The following GNAI3 variants were observed in gnomAD, a reference collection of about 807,000 sequenced individuals.
GNAI3 encodes G protein subunit alpha i3, also known as guanine nucleotide-binding protein G(i) subunit alpha-3.
Under a neutral mutation model 41.8 loss-of-function variants are expected in GNAI3, and 12 were observed. The observed-to-expected ratio is 0.29, with a 90% CI of 0.18 to 0.47. The LOEUF is 0.47. GNAI3 is among the 20% of genes least tolerant of loss of function. The probability of loss-of-function intolerance (pLI) is 1.00; values close to 1 mark genes in which losing one functional copy is unlikely to be tolerated. For missense variants in GNAI3, 360 were observed against 429.6 expected (o/e 0.84, Z 1.43); for synonymous variants, 132 against 146.5 (o/e 0.90, Z 0.71).
intron 1 of GNAI3, among the ~76,000 whole-genome samples, chr1:109,559,316 A>G (rs1648248128): frequency 6.6e-6 from 1 of 152,260 alleles, no homozygotes; most frequent in South Asian, 2.1e-4. Context: ...ATAATAAAAC[A>G]CATCTCTTTG....
In GNAI3 at chr1:109,565,250, C is replaced by CAA. The variant is rs527332111; in HGVS notation, c.119-8472_119-8471dup. On this transcript the variant is annotated intron_variant, in intron 1 of 8. Transcript: ENST00000369851. ...TGGGTGACAGAGTGAGACTCCGTCT[C>CAA]AAAAAAAAAAAAAAAAGATAATTCA... Among the ~76,000 whole-genome samples, 598 of 81,218 alleles carry CAA rather than the reference C, an allele frequency of 7.4e-3. 3 individuals are homozygous for CAA. Among genetic ancestry groups the CAA allele is most frequent in the African/African-American group, 0.021 (532 of 25,944 alleles). 53.3% of individuals were successfully genotyped at this position (81,218 alleles called of 152,430 possible).
intron 1 of GNAI3, among the ~76,000 whole-genome samples, chr1:109,551,592 T>A (rs1647983400): frequency 1.3e-5 from 2 of 152,202 alleles, no homozygotes; most frequent in East Asian, 3.8e-4. Flanking sequence ...TCTCTTGGCC[T>A]CAGTTTTCTT....
chr1:109,584,188 C>T (rs905820997), intron 5 of GNAI3, among the ~76,000 whole-genome samples: 1 of 152,154 alleles, frequency 6.6e-6, no homozygotes, highest in African/African-American at 2.4e-5. Context: ...TTACGTATTA[C>T]TAGATACCAG....
At chr1:109,569,067 A>G (rs2101097780) in intron 1 of GNAI3, among the ~76,000 whole-genome samples, 1 of 152,336 alleles carries the variant, frequency 6.6e-6, no homozygotes, top group African/African-American at 2.4e-5. Context: ...TGAGAATGAA[A>G]CTAACATGGC....
At chr1:109,549,758 G>A (rs187237657) in intron 1 of GNAI3, among the ~76,000 whole-genome samples, 232 of 152,216 alleles carry the variant, frequency 1.5e-3, no homozygotes, top group Non-Finnish European at 2.9e-3. Context: ...ATCCTTTTTG[G>A]CCTCTTCAAA....
At chr1:109,574,676 T>C (rs1003429464) in intron 3 of GNAI3, among the ~76,000 whole-genome samples, 22 of 152,218 alleles carry the variant, frequency 1.4e-4, no homozygotes, top group African/African-American at 5.1e-4. Context: ...TAGGATGTTT[T>C]ATGCCATTGG....
In GNAI3 at chr1:109,552,029, G is replaced by C. The variant is rs1647993727; in HGVS notation, c.118+3191G>C. ...GTACAAAAATTAGCCGGGCGTGGTGGTGTGCACCTGTAGTCCCAGCTACTT... is the reference window on the plus strand; with the variant it reads ...GTACAAAAATTAGCCGGGCGTGGTGCTGTGCACCTGTAGTCCCAGCTACTT... On this transcript the variant is annotated intron_variant, in intron 1 of 8. Coordinates refer to ENST00000369851, the MANE Select transcript of GNAI3 (RefSeq NM_006496.4). Among the ~76,000 whole-genome samples the C allele has an allele frequency of 3.9e-5, 6 of 152,126 alleles. 1 individual carries two copies. The highest frequency in any genetic ancestry group is 3.9e-4 in the Admixed American group (6 of 15,272).
At position 109,573,889 on chromosome 1, in the gene GNAI3, T is replaced by C. The variant is rs182530939; in HGVS notation, c.162-7T>C. On this transcript the variant is annotated splice_region_variant and splice_polypyrimidine_tract_variant and intron_variant, in intron 2 of 8. Coordinates refer to ENST00000369851, the MANE Select transcript of GNAI3 (RefSeq NM_006496.4). ...GGTATTGACTTGTGGTTTTCTTTGT[T>C]TTAAAGAATCATTCATGAGGATGGC... 2.3e-4 allele frequency: 374 copies of C among 1,610,010 alleles called. 5 individuals are homozygous for C. In the East Asian group the frequency reaches 7.5e-3, roughly 32 times the overall value.
chr1:109,581,820 C>T lies in GNAI3; in HGVS notation c.462-617C>T, dbSNP rs150544815. Among the ~76,000 whole-genome samples the T allele has an allele frequency of 4.8e-3, 733 of 151,968 alleles. 7 individuals are homozygous for T. The highest frequency in any genetic ancestry group is 0.016 in the African/African-American group (668 of 41,462). Reference sequence around the variant, plus strand: ...AGGAGAATCATTTGAACCCAGGAGGCGGAAGTTGCAGTGAGCCGAGTTCGC... The same window carrying T: ...AGGAGAATCATTTGAACCCAGGAGGTGGAAGTTGCAGTGAGCCGAGTTCGC... On this transcript the variant is annotated intron_variant, in intron 4 of 8. Transcript: ENST00000369851.
chr1:109,568,159 A>G (rs940956057), intron 1 of GNAI3, among the ~76,000 whole-genome samples: 6 of 152,336 alleles, frequency 3.9e-5, no homozygotes, highest in South Asian at 4.1e-4. Flanking sequence ...CTCACTTTGC[A>G]TACCCATAAT....
At chr1:109,554,492 G>C (rs888871212) in intron 1 of GNAI3, among the ~76,000 whole-genome samples, 6 of 151,988 alleles carry the variant, frequency 3.9e-5, no homozygotes, top group Non-Finnish European at 5.9e-5. Context: ...GCATGTTTTC[G>C]TAAGTTTGCT....
At chr1:109,570,863 C>A (rs1648575452) in intron 1 of GNAI3, among the ~76,000 whole-genome samples, 1 of 152,170 alleles carries the variant, frequency 6.6e-6, no homozygotes, top group African/African-American at 2.4e-5. Context: ...TTACATTTTA[C>A]AAAGTTTATT....
chr1:109,561,476 A>G (rs1648308750), intron 1 of GNAI3, among the ~76,000 whole-genome samples: 1 of 152,190 alleles, frequency 6.6e-6, no homozygotes, highest in African/African-American at 2.4e-5. Flanking sequence ...CAGTTTTCCC[A>G]CTAATTTTCT....
rs3833901 is a variant in GNAI3 at position 109,593,700 on chromosome 1, GAT to G, written c.*1381_*1382del. ...TTTTATGTTATATCTGCATATGAGT[GAT>G]ATGTGATCATGATTCATTTTGCAGA... On this transcript the variant is annotated 3_prime_UTR_variant, in exon 9 of 9. Coordinates refer to ENST00000369851, the MANE Select transcript of GNAI3 (RefSeq NM_006496.4). The G allele has an allele frequency of 0.18, 26,759 of 152,536 alleles. 2,535 individuals carry two copies. Among genetic ancestry groups the G allele is most frequent in the East Asian group, 0.34 (1,739 of 5,166 alleles). 9.4% of individuals were successfully genotyped at this position (152,536 alleles called of 1,614,324 possible). A position where few individuals can be genotyped will look rare whatever the true frequency, so the allele number is the denominator to read the frequency against.
intron 7 of GNAI3, among the ~76,000 whole-genome samples, chr1:109,590,618 C>T (rs1649148247): frequency 6.6e-6 from 1 of 151,730 alleles, no homozygotes; most frequent in African/African-American, 2.4e-5. Flanking sequence ...CTCTGTCTCC[C>T]AGACAGAAAT....
chr1:109,570,088 A>C (rs1460188776), intron 1 of GNAI3, among the ~76,000 whole-genome samples: 1 of 152,230 alleles, frequency 6.6e-6, no homozygotes, highest in Admixed American at 6.5e-5. Context: ...CCAGAGTAGA[A>C]TCATTGGATT....
intron 1 of GNAI3, among the ~76,000 whole-genome samples, chr1:109,556,642 C>G (rs1410664700): frequency 6.6e-6 from 1 of 152,290 alleles, no homozygotes; most frequent in African/African-American, 2.4e-5. Flanking sequence ...GCCTTCACTC[C>G]TCACCCCCAA....
chr1:109,591,644 C>A (rs1218776594), intron 7 of GNAI3: 1 of 417,830 alleles, frequency 2.4e-6, no homozygotes, highest in Non-Finnish European at 4.3e-6. Context: ...CAAGCACTAC[C>A]CTGTTGAATT....
chr1:109,548,908 T>A (rs113755188), intron 1 of GNAI3, 70 bp downstream of exon 1: 14 of 1,039,874 alleles, frequency 1.3e-5, no homozygotes, highest in Non-Finnish European at 1.6e-5. Flanking sequence ...CTGAACGGGG[T>A]CTGGTCGGGC....
Sources: gnomAD v4.1 joint callset for allele counts (sites outside exome capture counted in the v4.1 genomes callset) on GRCh38, gnomAD v4.1.1 for gene constraint, MANE v1.5 for transcripts, NCBI Gene and HGNC (gene_info 2026-07-23, HGNC 2026-07-21) for gene names.